Variants in AREL1 observed in about 807,000 individuals in gnomAD.
The protein encoded by AREL1 is apoptosis-resistant E3 ubiquitin protein ligase 1.
Under a neutral mutation model 99.0 loss-of-function variants are expected in AREL1, and 62 were observed. The ratio of observed to expected loss-of-function variants is 0.63; its 90% CI spans 0.51 to 0.77. The LOEUF (loss-of-function observed/expected upper bound fraction) is 0.77, where lower values mean the gene tolerates loss of function less well. AREL1 is among the 30% of genes least tolerant of loss of function. The pLI is 0.00. For synonymous variants in AREL1, 380 were observed against 376.5 expected, an observed-to-expected ratio of 1.01 and a Z score of -0.11; for missense variants, 879 against 1,027.6, an observed-to-expected ratio of 0.86 and a Z score of 1.98.
Position 74,692,304 on chromosome 14 carries a change from G to A in AREL1, c.-309C>T, listed in dbSNP as rs2270424. 103,152 of 452,532 alleles carry A rather than the reference G, an allele frequency of 0.23. 12,593 individuals carry two copies. The highest frequency in any genetic ancestry group is 0.31 in the South Asian group (19,792 of 63,586). The allele number at this position is 452,532 out of a possible 1,614,324, so 28.0% of individuals were successfully genotyped here. A position where few individuals can be genotyped will look rare whatever the true frequency, so the allele number is the denominator to read the frequency against. Reference sequence around the variant, plus strand: ...CTTCTCTCTAGTGCAGGGTGCAATCGACTGCCAAAGGACGCCCCAGGATCC... The same window carrying A: ...CTTCTCTCTAGTGCAGGGTGCAATCAACTGCCAAAGGACGCCCCAGGATCC... On this transcript the variant is annotated 5_prime_UTR_variant, in exon 2 of 20. Coordinates refer to ENST00000356357, the MANE Select transcript of AREL1 (RefSeq NM_001039479.2).
chr14:74,702,409 C>T (rs1469403004), intron 1 of AREL1, among the ~76,000 whole-genome samples: 1 of 152,216 alleles, frequency 6.6e-6, no homozygotes, highest in African/African-American at 2.4e-5. Context: ...GGGGCTTGCA[C>T]CTTCTGAAGC....
At position 74,693,475 on chromosome 14, in the gene AREL1, C is replaced by T. The variant is rs74947053; in HGVS notation, c.-333-1147G>A. 4.7e-3 allele frequency among the ~76,000 whole-genome samples: 721 copies of T among 152,168 alleles called. 18 individuals carry two copies. The highest frequency in any genetic ancestry group is 0.035 in the Admixed American group (538 of 15,280). ...ATGGCAATGCATACACAAACAGCCA[C>T]CATAAGACAAATGAGAAGAGACTAC... On this transcript the variant is annotated intron_variant, in intron 1 of 19. Coordinates refer to ENST00000356357, the MANE Select transcript of AREL1 (RefSeq NM_001039479.2).
intron 1 of AREL1, among the ~76,000 whole-genome samples, chr14:74,702,264 C>T (rs573191597): frequency 1.8e-4 from 27 of 152,244 alleles, no homozygotes; most frequent in Non-Finnish European, 3.7e-4. Context: ...GAGGGCCCCA[C>T]CCCATAGCAG....
chr14:74,670,506 A>T, intron 13 of AREL1: 1 of 415,300 alleles, frequency 2.4e-6, no homozygotes, highest in Non-Finnish European at 4.3e-6. Context: ...AATTATTATA[A>T]TAATTAGTAG....
intron 5 of AREL1, among the ~76,000 whole-genome samples, chr14:74,678,860 G>T (rs1036423326): frequency 2.0e-5 from 3 of 152,248 alleles, no homozygotes; most frequent in African/African-American, 7.2e-5. Context: ...CCAACAGTTT[G>T]ACCATAAAAG....
intron 1 of AREL1, among the ~76,000 whole-genome samples, chr14:74,699,594 T>C (rs2090045757): frequency 6.6e-6 from 1 of 152,224 alleles, no homozygotes; most frequent in Non-Finnish European, 1.5e-5. Context: ...TCTCATTTAT[T>C]TTAATATGTA....
Position 74,675,808 on chromosome 14 carries a change from C to A in AREL1, c.971G>T (p.Arg324Leu). 1 of 1,614,106 alleles carries A rather than the reference C, an allele frequency of 6.2e-7. No homozygotes were observed. Among genetic ancestry groups the A allele is most frequent in the Non-Finnish European group, 8.5e-7 (1 of 1,180,026 alleles). Residue 324 changes from arginine to leucine, a missense_variant, in exon 8 of 20, where the codon CGC becomes CTC. Physicochemically the swap from Arg to Leu is moderately radical, Grantham distance 102. Coordinates refer to ENST00000356357, the MANE Select transcript of AREL1 (RefSeq NM_001039479.2). The stretch of plus-strand genomic sequence containing the variant: ...CTCGTCAACAGCAGTGGATGGCCGG[C>A]GCTGGGAAGAGGTCATGTGCATGGG... The part of the protein sequence containing the change: ...LPPMHMTSSQ[R>L]RPSTAVDEED...
intron 18 of AREL1, 152 bp downstream of exon 18, chr14:74,664,684 C>G: frequency 2.4e-6 from 1 of 415,694 alleles, no homozygotes; most frequent in South Asian, 2.2e-5. Flanking sequence ...GGTCTCAAAA[C>G]TCCTGACTTT....
rs368788804 is a variant in AREL1 at position 74,670,253 on chromosome 14, A to G, written c.1609-127T>C. The G allele has an allele frequency of 8.0e-5, 79 of 985,944 alleles. No individual in the cohort carries two copies. The African/African-American group carries it at 1.2e-3, about 15-fold the overall frequency. 61.1% of individuals were successfully genotyped at this position (985,944 alleles called of 1,614,324 possible). A position where few individuals can be genotyped will look rare whatever the true frequency, so the allele number is the denominator to read the frequency against. On this transcript the variant is annotated intron_variant, in intron 13 of 19. Transcript: ENST00000356357. ...CACTGTGAGGATCAGAGCCCATCCAAATGTTAGTTTTTTGGTAGCCACCAC... is the reference window on the plus strand; with the variant it reads ...CACTGTGAGGATCAGAGCCCATCCAGATGTTAGTTTTTTGGTAGCCACCAC...
In AREL1 at chr14:74,662,835, C is replaced by G. The variant is rs1182831672; in HGVS notation, c.*885G>C. ...TCTTCAGTAGAATGCTAAAGGATCCCCAGCTTTTAGCAGACTACATAATGG... is the reference window on the plus strand; with the variant it reads ...TCTTCAGTAGAATGCTAAAGGATCCGCAGCTTTTAGCAGACTACATAATGG... On this transcript the variant is annotated 3_prime_UTR_variant, in exon 20 of 20. Transcript: ENST00000356357. 5.3e-6 allele frequency: 2 copies of G among 376,992 alleles called. No homozygotes were observed. The highest frequency in any genetic ancestry group is 9.4e-6 in the Non-Finnish European group (2 of 213,278). The allele number at this position is 376,992 out of a possible 1,614,324, so 23.4% of individuals were successfully genotyped here.
intron 2 of AREL1, among the ~76,000 whole-genome samples, chr14:74,689,177 C>T (rs1340608141): frequency 6.6e-6 from 1 of 151,938 alleles, no homozygotes; most frequent in East Asian, 1.9e-4. Context: ...ACTCAAATCG[C>T]TTTTATTCCA....
chr14:74,676,697 C>A lies in AREL1; in HGVS notation c.537G>T (p.Leu179Phe). 2 of 1,613,782 alleles carry A rather than the reference C, an allele frequency of 1.2e-6. No homozygotes were observed. Among genetic ancestry groups the A allele is most frequent in the Non-Finnish European group, 1.7e-6 (2 of 1,179,882 alleles). Residue 179 changes from leucine to phenylalanine, a missense_variant, in exon 6 of 20, where the codon TTG becomes TTT. Physicochemically the swap from Leu to Phe is conservative, Grantham distance 22 (BLOSUM62 0). Coordinates refer to ENST00000356357, the MANE Select transcript of AREL1 (RefSeq NM_001039479.2). ...GAAGGGTGTGCGGCTGCCCACAGGT[C>A]AATACAAGAGTAGAAAAGTGGCACA... ...KIVCHFSTLVLTCGQPHTLQI... is the reference protein window; with the variant it reads ...KIVCHFSTLVFTCGQPHTLQI...
At chr14:74,690,173 T>A (rs1292687425) in intron 2 of AREL1, among the ~76,000 whole-genome samples, 1 of 143,136 alleles carries the variant, frequency 7.0e-6, no homozygotes, top group African/African-American at 2.6e-5. Flanking sequence ...GGCAGAAGGA[T>A]CCCTTGAGCC....
intron 1 of AREL1, among the ~76,000 whole-genome samples, chr14:74,710,128 C>A (rs986346958): frequency 2.6e-5 from 4 of 152,202 alleles, no homozygotes; most frequent in East Asian, 1.9e-4. Flanking sequence ...AGCTTCGCAT[C>A]CCCCACTTTC....
At chr14:74,686,186 AG>A (rs2089744263) in intron 2 of AREL1, among the ~76,000 whole-genome samples, 1 of 152,212 alleles carries the variant, frequency 6.6e-6, no homozygotes, top group South Asian at 2.1e-4. Flanking sequence ...AATAATAAGC[AG>A]TGGGTCTGAA....
chr14:74,695,512 C>T (rs1029355508), intron 1 of AREL1, among the ~76,000 whole-genome samples: 4 of 152,030 alleles, frequency 2.6e-5, no homozygotes, highest in Admixed American at 2.0e-4. Flanking sequence ...CCATGCTCAC[C>T]GCAATGCTTC....
At chr14:74,693,505 T>C (rs538675488) in intron 1 of AREL1, among the ~76,000 whole-genome samples, 1 of 152,154 alleles carries the variant, frequency 6.6e-6, no homozygotes, top group Non-Finnish European at 1.5e-5. Flanking sequence ...GACTACTAAT[T>C]AGTAAATGAA....
chr14:74,712,150 C>T (rs1176694177), intron 1 of AREL1: 1 of 148,950 alleles, frequency 6.7e-6, no homozygotes, highest in Admixed American at 6.7e-5. Context: ...CTCAAACAGA[C>T]CCCTGAACAA....
rs764009912 is a variant in AREL1, at chr14:74,683,535, T to G, written c.244-2A>C. The G allele has an allele frequency of 1.9e-6, 3 of 1,613,230 alleles. No homozygotes were observed. Among genetic ancestry groups the G allele is most frequent in the East Asian group, 2.2e-5 (1 of 44,870 alleles). On this transcript the variant is annotated splice_acceptor_variant, in intron 4 of 19. Transcript: ENST00000356357. LOFTEE classifies it high-confidence loss of function. ...AGGCTGCCCGTTCTTATAGAATAAC[T>G]GCCATGGGGAGAAGAAGGACACCTG... is the stretch of plus-strand genomic sequence containing the variant.
Sources: gnomAD v4.1 joint callset for allele counts (sites outside exome capture counted in the v4.1 genomes callset) on GRCh38, gnomAD v4.1.1 for gene constraint, MANE v1.5 for transcripts, NCBI Gene and HGNC (gene_info 2026-07-23, HGNC 2026-07-21) for gene names.